The following SDK1 variants were observed in gnomAD, a reference collection of about 807,000 sequenced individuals.
The protein encoded by SDK1 is sidekick cell adhesion molecule 1, also known as protein sidekick-1.
A neutral mutation model predicts 245.5 loss-of-function variants in SDK1; 157 were observed. The observed-to-expected ratio is 0.64, with a 90% CI of 0.56 to 0.73. The LOEUF (loss-of-function observed/expected upper bound fraction) is 0.73, where lower values mean the gene tolerates loss of function less well. Among genes scored for constraint, SDK1 ranks in the 30% least tolerant of loss-of-function variants. The probability of loss-of-function intolerance (pLI) is 0.00; values close to 1 mark genes in which losing one functional copy is unlikely to be tolerated. For missense variants in SDK1, 3,583 were observed against 3,002.3 expected (o/e 1.19, Z -4.52); for synonymous variants, 1,647 against 1,278.5 (o/e 1.29, Z -6.15).
chr7:4,266,426 C>T lies in SDK1; in HGVS notation c.*1042C>T, dbSNP rs1430960687. On this transcript the variant is annotated 3_prime_UTR_variant, in exon 45 of 45. Coordinates refer to ENST00000404826, the MANE Select transcript of SDK1 (RefSeq NM_152744.4). Reference sequence around the variant, plus strand: ...GAGAACACACGCTCCCGACTCGCCTCGTGCACACCAGGCCGTCCCCTCCCT... The same window carrying T: ...GAGAACACACGCTCCCGACTCGCCTTGTGCACACCAGGCCGTCCCCTCCCT... The T allele has an allele frequency of 6.1e-6, 6 of 985,222 alleles. No individual in the cohort carries two copies. The highest frequency in any genetic ancestry group is 6.1e-5 in the Admixed American group (1 of 16,264). 61.0% of individuals were successfully genotyped at this position (985,222 alleles called of 1,614,324 possible). A position where few individuals can be genotyped will look rare whatever the true frequency, so the allele number is the denominator to read the frequency against.
chr7:3,420,976 T>A (rs1376890246), intron 1 of SDK1, among the ~76,000 whole-genome samples: 1 of 152,202 alleles, frequency 6.6e-6, no homozygotes, highest in Non-Finnish European at 1.5e-5. Context: ...ACAGTTCTTT[T>A]TAAAGGTTAG....
chr7:3,937,164 A>G (rs1324319970), intron 5 of SDK1, among the ~76,000 whole-genome samples: 2 of 151,952 alleles, frequency 1.3e-5, no homozygotes, highest in Non-Finnish European at 2.9e-5. Context: ...ACATTTGGCC[A>G]TGCGGAGGTC....
Position 3,619,068 on chromosome 7 carries a change from T to A in SDK1, c.299-12T>A, listed in dbSNP as rs916724167. On this transcript the variant is annotated splice_polypyrimidine_tract_variant and intron_variant, in intron 1 of 44. Coordinates refer to ENST00000404826, the MANE Select transcript of SDK1 (RefSeq NM_152744.4). ...CTTCAGTTTTGTTTTGTTTTGTTTT[T>A]TAATATTTCAGATGATGTTGCTCCA... is the stretch of plus-strand genomic sequence containing the variant. The A allele has an allele frequency of 1.3e-6, 2 of 1,551,234 alleles. No homozygotes were observed. The highest frequency in any genetic ancestry group is 2.7e-5 in the African/African-American group (2 of 73,190).
At chr7:3,631,641 T>C (rs1367302800) in intron 2 of SDK1, among the ~76,000 whole-genome samples, 1 of 152,262 alleles carries the variant, frequency 6.6e-6, no homozygotes, top group African/African-American at 2.4e-5. Context: ...TCAGTTTGAC[T>C]GCTTTTTGGA....
At chr7:4,050,313 G>A (rs1432348648) in intron 18 of SDK1, among the ~76,000 whole-genome samples, 2 of 152,244 alleles carry the variant, frequency 1.3e-5, no homozygotes, top group East Asian at 3.8e-4. Context: ...AAAGGCAGAA[G>A]TAGCTGGAAA....
chr7:3,847,722 C>G (rs967393378), intron 5 of SDK1, among the ~76,000 whole-genome samples: 1 of 152,218 alleles, frequency 6.6e-6, no homozygotes. Context: ...CATTTTGTAC[C>G]TGCAAATAGT....
intron 1 of SDK1, among the ~76,000 whole-genome samples, chr7:3,460,614 T>G (rs1263174999): frequency 1.3e-5 from 2 of 152,354 alleles, no homozygotes; most frequent in East Asian, 3.9e-4. Flanking sequence ...TCTTGCCATT[T>G]CTTTTCTTTA....
intron 4 of SDK1, among the ~76,000 whole-genome samples, chr7:3,659,353 A>T (rs1036200662): frequency 6.6e-6 from 1 of 152,112 alleles, no homozygotes; most frequent in Non-Finnish European, 1.5e-5. Flanking sequence ...ATGGGCAAAA[A>T]CCAAACACAT....
chr7:3,539,720 C>G (rs913482645), intron 1 of SDK1, among the ~76,000 whole-genome samples: 1 of 152,224 alleles, frequency 6.6e-6, no homozygotes, highest in East Asian at 1.9e-4. Context: ...TCATCCACAT[C>G]AGGGTGAGTA....
intron 1 of SDK1, among the ~76,000 whole-genome samples, chr7:3,315,468 G>C (rs999167466): frequency 6.6e-6 from 1 of 152,118 alleles, no homozygotes. Flanking sequence ...CCCTTCCTGG[G>C]AGTCTCCAAG....
chr7:4,031,687 C>G (rs890310361), intron 17 of SDK1, among the ~76,000 whole-genome samples: 2 of 148,930 alleles, frequency 1.3e-5, no homozygotes, highest in Middle Eastern at 3.2e-3. Context: ...ATATATGTAG[C>G]TATATGACAG....
chr7:4,230,467 G>T (rs538238047), intron 40 of SDK1, among the ~76,000 whole-genome samples: 2 of 146,496 alleles, frequency 1.4e-5, no homozygotes, highest in African/African-American at 5.1e-5. Flanking sequence ...GGGAGTGGAG[G>T]GCAGGGGGAA....
chr7:3,565,146 ACT>A (rs1425745637), intron 1 of SDK1, among the ~76,000 whole-genome samples: 4 of 151,288 alleles, frequency 2.6e-5, no homozygotes, highest in African/African-American at 9.7e-5. Flanking sequence ...ATAACTAGAC[ACT>A]GGAATATAGC....
chr7:3,371,647 G>C (rs144072751), intron 1 of SDK1, among the ~76,000 whole-genome samples: 3 of 152,196 alleles, frequency 2.0e-5, no homozygotes, highest in African/African-American at 4.8e-5. Context: ...AATAGAAGAG[G>C]AGTATGGATG....
At chr7:3,346,807 G>GTGTGTATATATATA (rs796252256) in intron 1 of SDK1, among the ~76,000 whole-genome samples, 1 of 42,252 alleles carries the variant, frequency 2.4e-5, no homozygotes, top group African/African-American at 1.0e-4. Flanking sequence ...GTGTGTGTGT[G>GTGTGTATATATATA]TATATATATA....
At chr7:3,782,598 C>A (rs1054148990) in intron 4 of SDK1, among the ~76,000 whole-genome samples, 1 of 152,036 alleles carries the variant, frequency 6.6e-6, no homozygotes. Context: ...AAAGGAGTAC[C>A]AATACTACCA....
chr7:4,243,793 G>T (rs1156759357), intron 43 of SDK1, among the ~76,000 whole-genome samples: 2 of 152,186 alleles, frequency 1.3e-5, no homozygotes, highest in African/African-American at 4.8e-5. Context: ...ACATGTGATT[G>T]AAGGAAAGGA....
chr7:3,530,465 AC>A (rs753372498), intron 1 of SDK1, among the ~76,000 whole-genome samples: 55 of 152,216 alleles, frequency 3.6e-4, no homozygotes, highest in Non-Finnish European at 1.9e-4. Flanking sequence ...CTGTGCAATA[AC>A]CTACAGAAAA....
At chr7:3,918,542 T>G (rs1779468417) in intron 5 of SDK1, among the ~76,000 whole-genome samples, 1 of 152,240 alleles carries the variant, frequency 6.6e-6, no homozygotes, top group South Asian at 2.1e-4. Context: ...AGGCTCCCAC[T>G]GATTCTACGT....
Sources: gnomAD v4.1 joint callset for allele counts (sites outside exome capture counted in the v4.1 genomes callset) on GRCh38, gnomAD v4.1.1 for gene constraint, MANE v1.5 for transcripts, NCBI Gene and HGNC (gene_info 2026-07-23, HGNC 2026-07-21) for gene names.